CDH18: variants seen among roughly 807,000 people sequenced by gnomAD.
The protein encoded by CDH18 is cadherin 18.
In CDH18, 31 loss-of-function variants were observed where a neutral mutation model predicts 67.9. The observed-to-expected ratio is 0.46, with a 90% CI of 0.34 to 0.62. The LOEUF (loss-of-function observed/expected upper bound fraction) is 0.62, where lower values mean the gene tolerates loss of function less well. Among genes scored for constraint, CDH18 ranks in the 20% least tolerant of loss-of-function variants. The pLI is 0.01. For missense variants in CDH18, 890 were observed against 975.5 expected (o/e 0.91, Z 1.17); for synonymous variants, 362 against 347.2 (o/e 1.04, Z -0.48).
intron 2 of CDH18, among the ~76,000 whole-genome samples, chr5:20,030,706 A>G (rs1479754127): frequency 6.6e-6 from 1 of 152,198 alleles, no homozygotes; most frequent in Non-Finnish European, 1.5e-5. Flanking sequence ...AGGGCTGAAG[A>G]TAATTATTCA....
At chr5:19,535,217 T>C (rs1749230099) in intron 9 of CDH18, among the ~76,000 whole-genome samples, 1 of 152,212 alleles carries the variant, frequency 6.6e-6, no homozygotes, top group Non-Finnish European at 1.5e-5. Flanking sequence ...GATTGATACA[T>C]ATATGTATAC....
chr5:20,213,500 C>A (rs1225721844), intron 2 of CDH18, among the ~76,000 whole-genome samples: 1 of 152,008 alleles, frequency 6.6e-6, no homozygotes, highest in African/African-American at 2.4e-5. Context: ...AGCTGTGAAT[C>A]CATCTGGTTC....
intron 2 of CDH18, among the ~76,000 whole-genome samples, chr5:19,872,347 T>C (rs1451229811): frequency 6.6e-6 from 1 of 152,194 alleles, no homozygotes; most frequent in African/African-American, 2.4e-5. Flanking sequence ...TTCTGGTCAA[T>C]AAGTGATGGA....
At chr5:20,437,688 T>C (rs1475806627) in intron 1 of CDH18, among the ~76,000 whole-genome samples, 1 of 151,446 alleles carries the variant, frequency 6.6e-6, no homozygotes, top group African/African-American at 2.4e-5. Context: ...TTCAGAGAGT[T>C]TGCATGTTTT....
At chr5:19,597,917 G>T (rs1015347124) in intron 6 of CDH18, among the ~76,000 whole-genome samples, 1 of 152,010 alleles carries the variant, frequency 6.6e-6, no homozygotes, top group Non-Finnish European at 1.5e-5. Flanking sequence ...ATCATAATTT[G>T]AGATGTAACT....
intron 1 of CDH18, among the ~76,000 whole-genome samples, chr5:20,395,365 C>T (rs1261652777): frequency 6.6e-6 from 1 of 152,036 alleles, no homozygotes; most frequent in African/African-American, 2.4e-5. Flanking sequence ...CCACGTGTTC[C>T]CACTTATTAA....
At chr5:19,495,085 A>C (rs1399445557) in intron 11 of CDH18, among the ~76,000 whole-genome samples, 1 of 152,200 alleles carries the variant, frequency 6.6e-6, no homozygotes, top group Non-Finnish European at 1.5e-5. Flanking sequence ...AAAGTAATAG[A>C]GGCAACAAGT....
At chr5:19,741,642 G>A (rs893845707) in intron 4 of CDH18, among the ~76,000 whole-genome samples, 2 of 151,988 alleles carry the variant, frequency 1.3e-5, no homozygotes, top group Non-Finnish European at 2.9e-5. Context: ...AAAGTTCACG[G>A]CATGAGCATT....
intron 1 of CDH18, among the ~76,000 whole-genome samples, chr5:20,447,624 T>C (rs992542708): frequency 1.3e-5 from 2 of 152,200 alleles, no homozygotes; most frequent in Admixed American, 6.5e-5. Context: ...GCACCACAAA[T>C]GGACTAAGAA....
chr5:20,420,025 T>A (rs1747734744), intron 1 of CDH18, among the ~76,000 whole-genome samples: 1 of 151,180 alleles, frequency 6.6e-6, no homozygotes, highest in Admixed American at 6.6e-5. Flanking sequence ...TTCATTTGGT[T>A]CTTGTGAATT....
At chr5:19,914,589 T>C (rs1791546220) in intron 2 of CDH18, among the ~76,000 whole-genome samples, 1 of 152,140 alleles carries the variant, frequency 6.6e-6, no homozygotes, top group Non-Finnish European at 1.5e-5. Flanking sequence ...TATATGTATA[T>C]ATCCACACAC....
chr5:20,007,516 T>C (rs1737001064), intron 2 of CDH18, among the ~76,000 whole-genome samples: 1 of 152,048 alleles, frequency 6.6e-6, no homozygotes, highest in African/African-American at 2.4e-5. Context: ...AATCTTTGAA[T>C]ACGAAAGGAA....
intron 2 of CDH18, among the ~76,000 whole-genome samples, chr5:20,196,069 T>G (rs1738949519): frequency 6.6e-6 from 1 of 152,164 alleles, no homozygotes; most frequent in Non-Finnish European, 1.5e-5. Context: ...ATCTTCTAAG[T>G]CAATGACTGA....
At chr5:20,537,427 ATTAC>A (rs757815821) in intron 1 of CDH18, among the ~76,000 whole-genome samples, 4 of 152,124 alleles carry the variant, frequency 2.6e-5, no homozygotes, top group Non-Finnish European at 5.9e-5. Flanking sequence ...AATGAGATCT[ATTAC>A]TTAATGTTTA....
intron 1 of CDH18, among the ~76,000 whole-genome samples, chr5:20,263,690 T>C (rs1744829156): frequency 6.6e-6 from 1 of 152,138 alleles, no homozygotes; most frequent in African/African-American, 2.4e-5. Flanking sequence ...ATTAACAAAA[T>C]ATAAAAGTTT....
intron 2 of CDH18, among the ~76,000 whole-genome samples, chr5:19,959,745 T>C (rs1055766494): frequency 1.3e-5 from 2 of 152,092 alleles, no homozygotes; most frequent in African/African-American, 4.8e-5. Context: ...TTCTGAGAAA[T>C]ACACCCTTCA....
chr5:19,960,589 G>GTA lies in CDH18; in HGVS notation c.-257+20469_-257+20470dup, dbSNP rs1418265326. 1.3e-3 allele frequency among the ~76,000 whole-genome samples: 107 copies of GTA among 85,084 alleles called. 1 individual carries two copies. Among genetic ancestry groups the GTA allele is most frequent in the South Asian group, 2.9e-3 (9 of 3,074 alleles). The allele number at this position is 85,084 out of a possible 152,430, so 55.8% of individuals were successfully genotyped here. On this transcript the variant is annotated intron_variant, in intron 2 of 12. Transcript: ENST00000382275. ...TGTGTGTGTGTGTGTGTGTGTGTGT[G>GTA]TATATATATATATACACACACGTGT...
In CDH18 at chr5:19,692,357, G is replaced by T. The variant is rs541551954; in HGVS notation, c.643+28990C>A. Among the ~76,000 whole-genome samples the T allele has an allele frequency of 3.4e-4, 52 of 152,168 alleles. No individual in the cohort carries two copies. In the South Asian group the frequency reaches 9.9e-3, roughly 29 times the overall value. On this transcript the variant is annotated intron_variant, in intron 5 of 12. Transcript: ENST00000382275. Reference sequence around the variant, plus strand: ...TATGGCTAAGACCTCAACAGCACATGAAACAAAATCAAAAATAGACAAATG... The same window carrying T: ...TATGGCTAAGACCTCAACAGCACATTAAACAAAATCAAAAATAGACAAATG...
intron 1 of CDH18, among the ~76,000 whole-genome samples, chr5:20,280,281 CAT>C (rs1283101564): frequency 1.3e-5 from 2 of 151,800 alleles, no homozygotes; most frequent in African/African-American, 2.4e-5. Flanking sequence ...CATATGTACA[CAT>C]GTGCCATTTT....
Sources: allele counts gnomAD v4.1 joint callset (sites outside exome capture counted in the v4.1 genomes callset), GRCh38; gene constraint gnomAD v4.1.1; transcripts MANE v1.5; gene names NCBI Gene and HGNC (gene_info 2026-07-23, HGNC 2026-07-21).